NFIB: variants seen among roughly 807,000 people sequenced by gnomAD.
NFIB encodes the protein nuclear factor I B, also known as nuclear factor 1 B-type.
Under a neutral mutation model 61.5 loss-of-function variants are expected in NFIB, and 11 were observed. The observed-to-expected ratio is 0.18, with a 90% CI of 0.11 to 0.30. NFIB has a LOEUF of 0.30. NFIB is among the 10% of genes least tolerant of loss of function. The pLI, the probability that NFIB is intolerant of heterozygous loss-of-function variation, is 1.00. For synonymous variants in NFIB, 260 were observed against 216.5 expected (o/e 1.20, Z -1.76); for missense variants, 471 against 608.9 (o/e 0.77, Z 2.38).
chr9:14,145,483 A>C (rs1481267674), intron 6 of NFIB, among the ~76,000 whole-genome samples: 1 of 152,044 alleles, frequency 6.6e-6, no homozygotes, highest in East Asian at 1.9e-4. Flanking sequence ...CTCGGTATAA[A>C]AAATTTGAGC....
the NFIB span, among the ~76,000 whole-genome samples, chr9:14,420,923 T>C: frequency 6.6e-6 from 1 of 152,144 alleles, no homozygotes; most frequent in African/African-American, 2.4e-5. Context: ...TAGATGACAG[T>C]TCAACAGTAG....
At chr9:14,167,296 A>G (rs576926353) in intron 3 of NFIB, among the ~76,000 whole-genome samples, 1 of 152,080 alleles carries the variant, frequency 6.6e-6, no homozygotes, top group Non-Finnish European at 1.5e-5. Context: ...TAATCCCAGC[A>G]CTCTAGGAGG....
the NFIB span, among the ~76,000 whole-genome samples, chr9:14,444,889 T>TA: frequency 6.6e-6 from 1 of 152,200 alleles, no homozygotes; most frequent in Non-Finnish European, 1.5e-5. Flanking sequence ...ACTTACATGA[T>TA]AATCATTCCT....
At chr9:14,331,867 A>G (rs541874251) in intron 1 of NFIB, among the ~76,000 whole-genome samples, 89 of 152,298 alleles carry the variant, frequency 5.8e-4, no homozygotes, top group Non-Finnish European at 1.1e-3. Context: ...TCCTTTCTCA[A>G]TAAATATTTT....
intron 3 of NFIB, among the ~76,000 whole-genome samples, chr9:14,165,864 G>T (rs1388222853): frequency 3.3e-5 from 5 of 152,172 alleles, no homozygotes; most frequent in Non-Finnish European, 5.9e-5. Context: ...GTAGGGAATG[G>T]AGAGCTGTTA....
At chr9:14,220,878 C>CACACACACACAA (rs1277000436) in intron 2 of NFIB, among the ~76,000 whole-genome samples, 78 of 151,200 alleles carry the variant, frequency 5.2e-4, no homozygotes, top group African/African-American at 1.5e-3. Flanking sequence ...CACACACACA[C>CACACACACACAA]ACACACACCA....
chr9:14,263,183 G>T (rs1588006205), intron 2 of NFIB, among the ~76,000 whole-genome samples: 1 of 151,738 alleles, frequency 6.6e-6, no homozygotes, highest in Admixed American at 6.6e-5. Flanking sequence ...TATTTGTACA[G>T]TCTCTAAAAC....
intron 1 of NFIB, among the ~76,000 whole-genome samples, chr9:14,359,510 A>C (rs1417115600): frequency 6.6e-6 from 1 of 152,218 alleles, no homozygotes; most frequent in Non-Finnish European, 1.5e-5. Flanking sequence ...TCTCCCCCAG[A>C]GCTTCCAGAG....
chr9:14,498,153 C>T, the NFIB span, among the ~76,000 whole-genome samples: 1 of 152,106 alleles, frequency 6.6e-6, no homozygotes, highest in Admixed American at 6.5e-5. Flanking sequence ...ATGACCTTGC[C>T]CTGAAAGCAG....
chr9:14,518,118 T>C, the NFIB span, among the ~76,000 whole-genome samples: 1 of 152,216 alleles, frequency 6.6e-6, no homozygotes, highest in African/African-American at 2.4e-5. Flanking sequence ...AAATGCAGTG[T>C]TGATAAGAAA....
chr9:14,218,427 G>C (rs943052556), intron 2 of NFIB, among the ~76,000 whole-genome samples: 1 of 152,030 alleles, frequency 6.6e-6, no homozygotes, highest in Non-Finnish European at 1.5e-5. Context: ...TTCTGTCTAA[G>C]CCAACACAGC....
rs963115542 is a variant in NFIB, at chr9:14,229,199, G to A, written c.563-49419C>T. ...TGATTCGTGCTCTAAAAGCTCATCG[G>A]TAAGTTAATGGTCGGAACTCAATGA... On this transcript the variant is annotated intron_variant, in intron 2 of 10. Transcript: ENST00000380953. 5.3e-5 allele frequency among the ~76,000 whole-genome samples: 8 copies of A among 152,248 alleles called. No individual in the cohort carries two copies. In the South Asian group the frequency reaches 1.0e-3, roughly 20 times the overall value.
intron 10 of NFIB, among the ~76,000 whole-genome samples, chr9:14,112,138 T>C (rs1399814152): frequency 1.3e-5 from 2 of 152,228 alleles, no homozygotes; most frequent in African/African-American, 4.8e-5. Flanking sequence ...TTTTCCCCTA[T>C]GTAATATTTT....
intron 1 of NFIB, among the ~76,000 whole-genome samples, chr9:14,310,955 T>A (rs540375750): frequency 6.6e-6 from 1 of 152,168 alleles, no homozygotes; most frequent in South Asian, 2.1e-4. Flanking sequence ...CAACAAATCA[T>A]GCAAAAAATG....
chr9:14,227,245 G>C (rs2052548668), intron 2 of NFIB, among the ~76,000 whole-genome samples: 1 of 151,998 alleles, frequency 6.6e-6, no homozygotes, highest in Admixed American at 6.5e-5. Context: ...TTTATCAGTT[G>C]AAAGATTTCT....
Position 14,087,758 on chromosome 9 carries a change from T to C in NFIB, c.*551A>G, listed in dbSNP as rs2033088170. On this transcript the variant is annotated 3_prime_UTR_variant, in exon 11 of 11. Transcript: ENST00000380953. ...TTATAAAATGGCTGGCTCATGGCTC[T>C]GTCACCCAGCACCTCTGACGCCGCC... 1 of 219,912 alleles carries C rather than the reference T, an allele frequency of 4.5e-6. No individual in the cohort carries two copies. The highest frequency in any genetic ancestry group is 9.1e-6 in the Non-Finnish European group (1 of 109,394). The allele number at this position is 219,912 out of a possible 1,614,324, so 13.6% of individuals were successfully genotyped here.
At position 14,083,119 on chromosome 9, in the gene NFIB, C is replaced by T. The variant is rs189765165; in HGVS notation, c.*5190G>A. The T allele has an allele frequency of 4.8e-6, 1 of 206,628 alleles. No homozygotes were observed. The highest frequency in any genetic ancestry group is 2.3e-5 in the African/African-American group (1 of 43,044). The allele number at this position is 206,628 out of a possible 1,614,324, so 12.8% of individuals were successfully genotyped here. The stretch of plus-strand genomic sequence containing the variant: ...ATTAAAAAAAAAAAAAAACTACTTA[C>T]AACCATTGAAGAAAAAATTGCAACA... On this transcript the variant is annotated 3_prime_UTR_variant, in exon 11 of 11. Transcript: ENST00000380953.
the NFIB span, among the ~76,000 whole-genome samples, chr9:14,469,225 T>A: frequency 6.6e-6 from 1 of 152,222 alleles, no homozygotes; most frequent in Non-Finnish European, 1.5e-5. Context: ...CAAAACCCTG[T>A]AAGACTCAGT....
At chr9:14,526,173 G>A in the NFIB span, among the ~76,000 whole-genome samples, 2 of 151,906 alleles carry the variant, frequency 1.3e-5, no homozygotes, top group South Asian at 2.1e-4. Context: ...CTCAGAAAAT[G>A]AACATAGTAT....
Sources: allele counts gnomAD v4.1 joint callset (sites outside exome capture counted in the v4.1 genomes callset), GRCh38; gene constraint gnomAD v4.1.1; transcripts MANE v1.5; gene names NCBI Gene and HGNC (gene_info 2026-07-23, HGNC 2026-07-21).